SECTM1: variants seen among roughly 807,000 people sequenced by gnomAD.
The protein encoded by SECTM1 is secreted and transmembrane protein 1.
Under a neutral mutation model 18.1 loss-of-function variants are expected in SECTM1, and 10 were observed. The ratio of observed to expected loss-of-function variants is 0.55; its 90% CI spans 0.34 to 0.94. The LOEUF (loss-of-function observed/expected upper bound fraction) is 0.94. Ranked by LOEUF, SECTM1 falls within the 40% of genes least tolerant of loss-of-function variation. SECTM1 has a pLI of 0.02. For synonymous variants in SECTM1, 137 were observed against 139.2 expected (o/e 0.98, Z 0.11); for missense variants, 297 against 322.6 (o/e 0.92, Z 0.61).
In SECTM1 at chr17:82,325,377, T is replaced by C. The variant is rs531160505; in HGVS notation, c.95-487A>G. On this transcript the variant is annotated intron_variant, in intron 2 of 4. Transcript: ENST00000269389. The surrounding 1 kb of genome is among the most constrained non-coding windows in gnomAD (Gnocchi z 7.6). ...GGCCAGGTGCAGGTGCTCGGCTGCG[T>C]GAGGAAGGGCAGGGCTTCTGCAGAC... is the stretch of plus-strand genomic sequence containing the variant. Among the ~76,000 whole-genome samples the C allele has an allele frequency of 1.1e-3, 172 of 152,248 alleles. No homozygotes were observed. Among genetic ancestry groups the C allele is most frequent in the Non-Finnish European group, 1.0e-3 (71 of 68,010 alleles).
chr17:82,324,074 G>A (rs1456713172), intron 3 of SECTM1, among the ~76,000 whole-genome samples: 1 of 152,014 alleles, frequency 6.6e-6, no homozygotes, highest in East Asian at 1.9e-4. Context: ...ACCTCTGGGT[G>A]ACCCCAGTAA....
intron 3 of SECTM1, among the ~76,000 whole-genome samples, chr17:82,323,757 G>C (rs1268836477): frequency 7.9e-5 from 12 of 151,946 alleles, no homozygotes; most frequent in Non-Finnish European, 7.4e-5. Context: ...GGGGAGAAGA[G>C]GCAGAGGGAG....
In SECTM1 at chr17:82,321,920, G is replaced by A. The variant is rs1295471222; in HGVS notation, c.*241C>T. 11 of 540,198 alleles carry A rather than the reference G, an allele frequency of 2.0e-5. No individual in the cohort carries two copies. Among genetic ancestry groups the A allele is most frequent in the Non-Finnish European group, 3.6e-5 (11 of 301,944 alleles). The allele number at this position is 540,198 out of a possible 1,614,324, so 33.5% of individuals were successfully genotyped here. On this transcript the variant is annotated 3_prime_UTR_variant, in exon 5 of 5. Coordinates refer to ENST00000269389, the MANE Select transcript of SECTM1 (RefSeq NM_003004.3). ...GGCAGAGGGAGGGGCATGCGTCCTGGTAAGTCGGGTGCTGCGGAGGTGAGG... is the reference window on the plus strand; with the variant it reads ...GGCAGAGGGAGGGGCATGCGTCCTGATAAGTCGGGTGCTGCGGAGGTGAGG...
chr17:82,330,892 G>A lies in SECTM1; in HGVS notation c.-53+2808C>T, dbSNP rs763154010. Reference sequence around the variant, plus strand: ...CCTCTCCATGGTCTCAGCCCCTGGCGGCCTGGACTGCACCGTTCCGGAGAT... The same window carrying A: ...CCTCTCCATGGTCTCAGCCCCTGGCAGCCTGGACTGCACCGTTCCGGAGAT... On this transcript the variant is annotated intron_variant, in intron 1 of 4. Coordinates refer to ENST00000269389, the MANE Select transcript of SECTM1 (RefSeq NM_003004.3). This position sits in a 1 kb window ranked among gnomAD's most constrained non-coding sequence, Gnocchi z 6.1. 6.6e-5 allele frequency among the ~76,000 whole-genome samples: 10 copies of A among 152,108 alleles called. No individual in the cohort carries two copies. Among genetic ancestry groups the A allele is most frequent in the South Asian group, 2.1e-4 (1 of 4,822 alleles).
In SECTM1 at chr17:82,322,359, G is replaced by A. The variant is rs1370476032; in HGVS notation, c.549C>T (p.Phe183=). ...CGACCTTCATCTGGGGTTCTAGGAG[G>A]AAGAACTTCTTCTGCAGGGGGAGGA... is the stretch of plus-strand genomic sequence containing the variant. ...CSQQRREKKF[F]LLEPQMKVAA... Residue 183 remains phenylalanine, a synonymous_variant, in exon 5 of 5, where the codon TTC becomes TTT. Transcript: ENST00000269389. The A allele has an allele frequency of 1.6e-5, 26 of 1,613,792 alleles. No homozygotes were observed. The highest frequency in any genetic ancestry group is 2.2e-5 in the Non-Finnish European group (26 of 1,179,844).
rs925225811 is a variant in SECTM1, at chr17:82,330,397, G to A, written c.-52-3105C>T. Among the ~76,000 whole-genome samples the A allele has an allele frequency of 6.6e-6, 1 of 152,146 alleles. No individual in the cohort carries two copies. Among genetic ancestry groups the A allele is most frequent in the African/African-American group, 2.4e-5 (1 of 41,428 alleles). The stretch of plus-strand genomic sequence containing the variant: ...GGGAATTCTGGGCACACAGCCAAAG[G>A]TCACAGATCCCCAGAGAGCCCCGAC... On this transcript the variant is annotated intron_variant, in intron 1 of 4. Coordinates refer to ENST00000269389, the MANE Select transcript of SECTM1 (RefSeq NM_003004.3). This position sits in a 1 kb window ranked among gnomAD's most constrained non-coding sequence, Gnocchi z 6.1.
At chr17:82,333,260 G>A (rs891696140) in intron 1 of SECTM1, among the ~76,000 whole-genome samples, 2 of 152,208 alleles carry the variant, frequency 1.3e-5, no homozygotes, top group Non-Finnish European at 2.9e-5. Flanking sequence ...CCCGGGTGAG[G>A]CCGAGGACCG....
Position 82,325,505 on chromosome 17 carries a change from C to A in SECTM1, c.95-615G>T, listed in dbSNP as rs2052138427. Among the ~76,000 whole-genome samples the A allele has an allele frequency of 6.6e-6, 1 of 152,262 alleles. No individual in the cohort carries two copies. Among genetic ancestry groups the A allele is most frequent in the African/African-American group, 2.4e-5 (1 of 41,468 alleles). ...CCACCCCCAACATTCCCTTTCCCCT[C>A]CCGGCCACCCGCTCAGCTCCAGGTT... On this transcript the variant is annotated intron_variant, in intron 2 of 4. Coordinates refer to ENST00000269389, the MANE Select transcript of SECTM1 (RefSeq NM_003004.3). The surrounding 1 kb of genome is among the most constrained non-coding windows in gnomAD (Gnocchi z 7.6).
At chr17:82,333,389 C>A (rs1482783307) in intron 1 of SECTM1, among the ~76,000 whole-genome samples, 1 of 152,170 alleles carries the variant, frequency 6.6e-6, no homozygotes, top group Non-Finnish European at 1.5e-5. Context: ...GTCCCCACAC[C>A]GGCCGGCAGC....
In SECTM1 at chr17:82,329,673, T is replaced by A. The variant is rs967753215; in HGVS notation, c.-52-2381A>T. Among the ~76,000 whole-genome samples, 2 of 151,474 alleles carry A rather than the reference T, an allele frequency of 1.3e-5. No individual in the cohort carries two copies. The highest frequency in any genetic ancestry group is 4.9e-5 in the African/African-American group (2 of 41,226). On this transcript the variant is annotated intron_variant, in intron 1 of 4. Transcript: ENST00000269389. This position sits in a 1 kb window ranked among gnomAD's most constrained non-coding sequence, Gnocchi z 7.6. ...AGCTGGAAGTCCGACGGGGTCTCCC[T>A]GGGTTAAAATCAAGGGGTGGGTCAG...
rs1283369141 is a variant in SECTM1, at chr17:82,333,706, C to G, written c.-59G>C. The G allele has an allele frequency of 1.3e-5, 2 of 154,286 alleles. No homozygotes were observed. The highest frequency in any genetic ancestry group is 2.9e-5 in the Non-Finnish European group (2 of 69,090). The allele number at this position is 154,286 out of a possible 1,614,324, so 9.6% of individuals were successfully genotyped here. On this transcript the variant is annotated 5_prime_UTR_variant, in exon 1 of 5. Transcript: ENST00000269389. Reference sequence around the variant, plus strand: ...GCCCCTCTCCGCGCCTCACCGGGTCCGCTCCTGGACGCGCTCCTCTGGGAT... The same window carrying G: ...GCCCCTCTCCGCGCCTCACCGGGTCGGCTCCTGGACGCGCTCCTCTGGGAT...
rs202062565 is a variant in SECTM1 at position 82,326,611 on chromosome 17, CA to C, written c.94+535del. 3.3e-3 allele frequency among the ~76,000 whole-genome samples: 282 copies of C among 86,546 alleles called. No individual in the cohort carries two copies. Among genetic ancestry groups the C allele is most frequent in the African/African-American group, 9.5e-3 (226 of 23,818 alleles). 56.8% of individuals were successfully genotyped at this position (86,546 alleles called of 152,430 possible). On this transcript the variant is annotated intron_variant, in intron 2 of 4. Transcript: ENST00000269389. This position sits in a 1 kb window ranked among gnomAD's most constrained non-coding sequence, Gnocchi z 4.3. ...TGGGCGATAGAGGTAGAACCCGTCT[CA>C]AAAAAAAAAGATAAGAAAAGAAAAG...
rs902845140 is a variant in SECTM1, at chr17:82,322,163, A to G, written c.745T>C (p.Ter249GlnextTer151). 6.2e-7 allele frequency: 1 copy of G among 1,613,602 alleles called. No homozygotes were observed. The highest frequency in any genetic ancestry group is 1.3e-5 in the African/African-American group (1 of 74,996). ...QPLFPYAADP[*>Q] Reference sequence around the variant, plus strand: ...TGTCCTCTCTGCCTTGCAGGCGGCTATGGGTCTGCGGCATATGGAAACAAG... The same window carrying G: ...TGTCCTCTCTGCCTTGCAGGCGGCTGTGGGTCTGCGGCATATGGAAACAAG... Residue 249 changes from the stop codon to glutamine (Q), a stop_lost, in exon 5 of 5, where the codon TAG becomes CAG. Coordinates refer to ENST00000269389, the MANE Select transcript of SECTM1 (RefSeq NM_003004.3).
At position 82,330,732 on chromosome 17, in the gene SECTM1, G is replaced by A. The variant is rs1004410430; in HGVS notation, c.-53+2968C>T. On this transcript the variant is annotated intron_variant, in intron 1 of 4. Transcript: ENST00000269389. This position sits in a 1 kb window ranked among gnomAD's most constrained non-coding sequence, Gnocchi z 6.1. ...GCTGCTCCTAGATGCCTCTGCCACC[G>A]AGGGTGGACCCTGCAGTGCTGGCTC... is the stretch of plus-strand genomic sequence containing the variant. Among the ~76,000 whole-genome samples, 20 of 152,102 alleles carry A rather than the reference G, an allele frequency of 1.3e-4. No homozygotes were observed. The highest frequency in any genetic ancestry group is 1.9e-4 in the East Asian group (1 of 5,200).
rs2052184801 is a variant in SECTM1 at position 82,330,738 on chromosome 17, G to A, written c.-53+2962C>T. ...CCTAGATGCCTCTGCCACCGAGGGT[G>A]GACCCTGCAGTGCTGGCTCCTAGCC... On this transcript the variant is annotated intron_variant, in intron 1 of 4. Coordinates refer to ENST00000269389, the MANE Select transcript of SECTM1 (RefSeq NM_003004.3). The surrounding 1 kb of genome is among the most constrained non-coding windows in gnomAD (Gnocchi z 6.1). Among the ~76,000 whole-genome samples the A allele has an allele frequency of 6.6e-6, 1 of 152,132 alleles. No homozygotes were observed. Among genetic ancestry groups the A allele is most frequent in the South Asian group, 2.1e-4 (1 of 4,816 alleles).
Position 82,327,227 on chromosome 17 carries a change from G to A in SECTM1, c.14C>T (p.Pro5Leu). ...GGAAACGTGGCCAGGGAATGCCAGG[G>A]GGCAGGTCTGCATGGCTGGTGGGAC... MQTC[P>L]LAFPGHVSQA... The change falls in exon 2 of 5, where the codon CCC becomes CTC. Residue 5 changes from proline to leucine, a missense_variant. Physicochemically the swap from Pro to Leu is moderately conservative, Grantham distance 98. Transcript: ENST00000269389. The A allele has an allele frequency of 6.2e-7, 1 of 1,608,912 alleles. No homozygotes were observed. The highest frequency in any genetic ancestry group is 1.7e-5 in the Admixed American group (1 of 59,416).
At chr17:82,331,818 A>G (rs2052193702) in intron 1 of SECTM1, among the ~76,000 whole-genome samples, 1 of 152,254 alleles carries the variant, frequency 6.6e-6, no homozygotes, top group Non-Finnish European at 1.5e-5. Context: ...GACCAGGTAC[A>G]GGGAGACGAG....
upstream of SECTM1, chr17:82,333,865 T>C (rs2052214455): frequency 1.3e-5 from 2 of 152,256 alleles, no homozygotes; most frequent in Admixed American, 6.5e-5. Context: ...AGCCTCCAAG[T>C]TTCGGGAACC....
At chr17:82,327,081 C>A in intron 2 of SECTM1, 66 bp downstream of exon 2, 1 of 1,286,054 alleles carries the variant, frequency 7.8e-7, no homozygotes, top group East Asian at 2.5e-5. Context: ...TCCACCCCTC[C>A]TGCCCCTGTC....
Sources: allele counts gnomAD v4.1 joint callset (sites outside exome capture counted in the v4.1 genomes callset), GRCh38; gene constraint gnomAD v4.1.1; non-coding constraint Gnocchi (gnomAD v3.1); transcripts MANE v1.5; gene names NCBI Gene and HGNC (gene_info 2026-07-23, HGNC 2026-07-21).